Variants in ZNF516 observed in about 807,000 individuals in gnomAD.
The protein encoded by ZNF516 is zinc finger protein 516.
Under a neutral mutation model 79.7 loss-of-function variants are expected in ZNF516, and 19 were observed. That is an observed-to-expected ratio of 0.24 (90% CI 0.17 to 0.35). The LOEUF is 0.35. Among genes scored for constraint, ZNF516 ranks in the 10% least tolerant of loss-of-function variants. ZNF516 has a pLI of 1.00. For missense variants in ZNF516, 1,678 were observed against 1,679.5 expected (o/e 1.00, Z 0.02); for synonymous variants, 877 against 739.5 (o/e 1.19, Z -3.02).
chr18:76,407,496 C>A (rs1039166719), intron 3 of ZNF516, among the ~76,000 whole-genome samples: 7 of 152,212 alleles, frequency 4.6e-5, no homozygotes, highest in Middle Eastern at 3.4e-3. Flanking sequence ...GGGGCTCGGG[C>A]GGCAGCATCC....
chr18:76,494,439 G>A (rs904634614), intron 1 of ZNF516, among the ~76,000 whole-genome samples: 5 of 149,722 alleles, frequency 3.3e-5, no homozygotes, highest in Non-Finnish European at 5.9e-5. Flanking sequence ...CCGAGTCGGT[G>A]CCAGACCCTC....
chr18:76,424,012 T>C (rs2075552199), intron 3 of ZNF516, among the ~76,000 whole-genome samples: 1 of 106,690 alleles, frequency 9.4e-6, no homozygotes, highest in African/African-American at 3.8e-5. Context: ...GCTTCACCCC[T>C]GAAACACCCA....
At chr18:76,368,692 A>G (rs1183161756) in intron 6 of ZNF516, among the ~76,000 whole-genome samples, 1 of 152,222 alleles carries the variant, frequency 6.6e-6, no homozygotes, top group Non-Finnish European at 1.5e-5. Context: ...GAACAATATA[A>G]GTACATCTTT....
At chr18:76,378,239 T>C (rs2074819253) in intron 4 of ZNF516, 1 of 152,222 alleles carries the variant, frequency 6.6e-6, no homozygotes, top group Non-Finnish European at 1.5e-5. Context: ...CAGATAGCAA[T>C]ACTAAGGCAG....
At chr18:76,469,524 G>T (rs907363830) in intron 1 of ZNF516, among the ~76,000 whole-genome samples, 19 of 152,090 alleles carry the variant, frequency 1.2e-4, no homozygotes, top group African/African-American at 4.6e-4. Flanking sequence ...TTCTTTCAGT[G>T]TAAGAAGAAA....
rs773756606 is a variant in ZNF516 at position 76,379,512 on chromosome 18, C to T, written c.2602G>A (p.Glu868Lys). The T allele has an allele frequency of 1.9e-6, 3 of 1,613,652 alleles. No homozygotes were observed. Among genetic ancestry groups the T allele is most frequent in the East Asian group, 4.5e-5 (2 of 44,872 alleles). The change falls in exon 4 of 7, where the codon GAG (glutamate) becomes AAG (lysine). Residue 868 changes from glutamate (E) to lysine (K), a missense_variant. Glu to Lys is a moderately conservative substitution (Grantham distance 56, BLOSUM62 1). Transcript: ENST00000443185. Reference sequence around the variant, plus strand: ...GCGCAGGGACCTCCGGAATGGCTCTCCTTATTCTTAGGCATGCTAGCGGCT... The same window carrying T: ...GCGCAGGGACCTCCGGAATGGCTCTTCTTATTCTTAGGCATGCTAGCGGCT... The part of the protein sequence containing the change: ...TKAASMPKNK[E>K]SHSGGPCALW...
At chr18:76,476,763 G>T (rs1914197657) in intron 1 of ZNF516, among the ~76,000 whole-genome samples, 1 of 152,154 alleles carries the variant, frequency 6.6e-6, no homozygotes, top group Non-Finnish European at 1.5e-5. Context: ...TAATACTGAG[G>T]TCCCACCTGA....
rs760820909 is a variant in ZNF516 at position 76,378,906 on chromosome 18, C to A, written c.3208G>T (p.Ala1070Ser). Residue 1070 changes from alanine (A) to serine (S), a missense_variant, in exon 4 of 7, where the codon GCG becomes TCG. Physicochemically the swap from Ala to Ser is moderately conservative, Grantham distance 99. This residue lies in a region of ZNF516 where 1,294 missense variants were observed against 1,248.3 expected (regional missense o/e 1.04). Transcript: ENST00000443185. The stretch of plus-strand genomic sequence containing the variant: ...ACACCCCATCCCTGGTAGAGGGTCG[C>A]AAAGTCCTTTGGAATGTACGTCTTA... ...IFKTYIPKDFATLYQGWGVSG... is the reference protein window; with the variant it reads ...IFKTYIPKDFSTLYQGWGVSG... The A allele has an allele frequency of 6.2e-7, 1 of 1,613,804 alleles. No individual in the cohort carries two copies. The highest frequency in any genetic ancestry group is 2.2e-5 in the East Asian group (1 of 44,880).
rs1177982089 is a variant in ZNF516, at chr18:76,442,468, G to A, written c.587C>T (p.Ala196Val). ...KKDLELHVHQ[A>V]HKPFKCRLCS... Reference sequence around the variant, plus strand: ...CAGCCTGCACTTGAACGGCTTGTGCGCCTGGTGCACGTGCAGCTCCAGGTC... The same window carrying A: ...CAGCCTGCACTTGAACGGCTTGTGCACCTGGTGCACGTGCAGCTCCAGGTC... Residue 196 changes from alanine (A) to valine (V), a missense_variant, in exon 3 of 7, where the codon GCG becomes GTG. Physicochemically the swap from Ala to Val is moderately conservative, Grantham distance 64 (BLOSUM62 0). This residue lies in a region of ZNF516 where 279 missense variants were observed against 254.1 expected (regional missense o/e 1.10). Transcript: ENST00000443185. 1.2e-6 allele frequency: 2 copies of A among 1,604,666 alleles called. No homozygotes were observed. The highest frequency in any genetic ancestry group is 1.7e-6 in the Non-Finnish European group (2 of 1,179,652).
At chr18:76,464,167 T>C (rs1555716886) in intron 1 of ZNF516, among the ~76,000 whole-genome samples, 1 of 151,452 alleles carries the variant, frequency 6.6e-6, no homozygotes, top group South Asian at 2.1e-4. Flanking sequence ...GTACTAAAAA[T>C]ACAAAAAAAA....
intron 2 of ZNF516, among the ~76,000 whole-genome samples, chr18:76,458,791 C>CATGCGA (rs879802293): frequency 6.8e-6 from 1 of 146,064 alleles, no homozygotes; most frequent in Non-Finnish European, 1.5e-5. Context: ...GCCTCACCGT[C>CATGCGA]GTGCGTGTGC....
intron 1 of ZNF516, among the ~76,000 whole-genome samples, chr18:76,474,252 AAT>A (rs1262911419): frequency 6.6e-6 from 1 of 152,228 alleles, no homozygotes; most frequent in Non-Finnish European, 1.5e-5. Context: ...AGGCTTATCT[AAT>A]ATATGAGTAT....
chr18:76,387,606 G>A (rs1040014587), intron 3 of ZNF516: 8 of 152,214 alleles, frequency 5.3e-5, no homozygotes, highest in African/African-American at 1.7e-4. Flanking sequence ...TTTTTCAGAG[G>A]ATTACTAAGC....
chr18:76,477,364 A>G (rs1914233892), intron 1 of ZNF516, among the ~76,000 whole-genome samples: 1 of 152,222 alleles, frequency 6.6e-6, no homozygotes, highest in African/African-American at 2.4e-5. Context: ...TGCTCTGAAC[A>G]TCAGATCCAT....
rs1008652846 is a variant in ZNF516, at chr18:76,451,719, G to A, written c.-157-8508C>T. On this transcript the variant is annotated intron_variant, in intron 2 of 6. Coordinates refer to ENST00000443185, the MANE Select transcript of ZNF516 (RefSeq NM_014643.4). The surrounding 1 kb of genome is among the most constrained non-coding windows in gnomAD (Gnocchi z 6.0). Reference sequence around the variant, plus strand: ...TTTGTTCTCCGGGAAACAATGAGACGGGCTTCACTAGTTACACTGTAGTAT... The same window carrying A: ...TTTGTTCTCCGGGAAACAATGAGACAGGCTTCACTAGTTACACTGTAGTAT... Among the ~76,000 whole-genome samples, 38 of 152,076 alleles carry A rather than the reference G, an allele frequency of 2.5e-4. No homozygotes were observed. Among genetic ancestry groups the A allele is most frequent in the Admixed American group, 2.4e-3 (37 of 15,284 alleles).
intron 3 of ZNF516, among the ~76,000 whole-genome samples, chr18:76,390,177 T>G (rs1186932188): frequency 6.6e-6 from 1 of 151,952 alleles, no homozygotes; most frequent in African/African-American, 2.4e-5. Flanking sequence ...GTGCATTGAG[T>G]ATGCGCTAAG....
At chr18:76,441,168 G>GTA in intron 3 of ZNF516, 77 bp downstream of exon 3, 1 of 1,511,824 alleles carries the variant, frequency 6.6e-7, no homozygotes, top group Admixed American at 2.2e-5. Flanking sequence ...GCCTACTTGA[G>GTA]TATACGTTTA....
intron 3 of ZNF516, among the ~76,000 whole-genome samples, chr18:76,437,674 C>A (rs188328527): frequency 9.9e-5 from 15 of 152,206 alleles, no homozygotes; most frequent in African/African-American, 3.6e-4. Flanking sequence ...TGCGTGTAAC[C>A]CACGCACATC....
At chr18:76,488,129 C>T (rs1294651533) in intron 1 of ZNF516, 1 of 985,126 alleles carries the variant, frequency 1.0e-6, no homozygotes, top group African/African-American at 1.7e-5. Flanking sequence ...TTCCAACCAT[C>T]ACCCACTCAG....
Sources: gnomAD v4.1 joint callset for allele counts (sites outside exome capture counted in the v4.1 genomes callset) on GRCh38, gnomAD v4.1.1 for gene constraint, gnomAD v4.1.1 regional missense constraint, Gnocchi (gnomAD v3.1) non-coding constraint, MANE v1.5 for transcripts, NCBI Gene and HGNC (gene_info 2026-07-23, HGNC 2026-07-21) for gene names.